CSMD3: variants seen among roughly 807,000 people sequenced by gnomAD.
The protein encoded by CSMD3 is CUB and sushi domain-containing protein 3.
A neutral mutation model predicts 435.2 loss-of-function variants in CSMD3; 177 were observed. That is an observed-to-expected ratio of 0.41 (90% CI 0.36 to 0.46). The LOEUF is 0.46. Ranked by LOEUF, CSMD3 falls within the 20% of genes least tolerant of loss-of-function variation. CSMD3 has a pLI of 0.34. For missense variants in CSMD3, 4,265 were observed against 4,504.6 expected, an observed-to-expected ratio of 0.95 and a Z score of 1.52; for synonymous variants, 1,656 against 1,520.5, an observed-to-expected ratio of 1.09 and a Z score of -2.07.
intron 28 of CSMD3, among the ~76,000 whole-genome samples, chr8:112,511,641 C>T (rs932594143): frequency 6.6e-6 from 1 of 151,930 alleles, no homozygotes; most frequent in Non-Finnish European, 1.5e-5. Context: ...CCGCTCGTCT[C>T]GGCCTCCCAA....
intron 3 of CSMD3, among the ~76,000 whole-genome samples, chr8:113,270,488 G>A (rs1205229225): frequency 6.6e-6 from 1 of 152,138 alleles, no homozygotes; most frequent in Non-Finnish European, 1.5e-5. Context: ...TATACCCAAA[G>A]GATTGTAAGT....
intron 4 of CSMD3, among the ~76,000 whole-genome samples, chr8:113,143,383 TG>T (rs1459529282): frequency 1.3e-5 from 2 of 151,054 alleles, no homozygotes; most frequent in African/African-American, 2.4e-5. Context: ...AAACAGAAAA[TG>T]GTACAGGCAC....
chr8:112,919,482 T>G (rs528857279), intron 10 of CSMD3, among the ~76,000 whole-genome samples: 1 of 152,012 alleles, frequency 6.6e-6, no homozygotes, highest in African/African-American at 2.4e-5. Flanking sequence ...TCAATCTTAC[T>G]TTATGTAGAT....
At chr8:112,257,005 C>T (rs1815871386) in intron 61 of CSMD3, among the ~76,000 whole-genome samples, 3 of 152,080 alleles carry the variant, frequency 2.0e-5, no homozygotes, top group Non-Finnish European at 4.4e-5. Context: ...GCCTTAATGT[C>T]CAAATAAAAC....
intron 52 of CSMD3, 128 bp downstream of exon 52, chr8:112,304,593 G>C: frequency 1.4e-6 from 1 of 726,832 alleles, no homozygotes. Context: ...AAAACGTAAC[G>C]AGAATAAATG....
At chr8:112,692,033 C>T (rs1306041811) in intron 13 of CSMD3, among the ~76,000 whole-genome samples, 1 of 152,012 alleles carries the variant, frequency 6.6e-6, no homozygotes, top group Non-Finnish European at 1.5e-5. Flanking sequence ...TAACTCCTGA[C>T]CTCAAATCAT....
intron 4 of CSMD3, among the ~76,000 whole-genome samples, chr8:113,166,829 A>G (rs796111110): frequency 2.6e-5 from 4 of 152,274 alleles, no homozygotes; most frequent in African/African-American, 9.6e-5. Flanking sequence ...TCAAAAATAT[A>G]ACTTTACAAA....
chr8:113,306,215 A>C (rs192408096), intron 2 of CSMD3, among the ~76,000 whole-genome samples: 2 of 152,150 alleles, frequency 1.3e-5, no homozygotes, highest in Admixed American at 1.3e-4. Flanking sequence ...ACACGCAATC[A>C]CTCTATGCCA....
chr8:113,410,797 A>G (rs1211242652), intron 1 of CSMD3, among the ~76,000 whole-genome samples: 8 of 150,484 alleles, frequency 5.3e-5, no homozygotes, highest in Non-Finnish European at 1.0e-4. Flanking sequence ...CTCAGCTACT[A>G]TGGGAGGCTT....
rs554476836 is a variant in CSMD3, at chr8:112,878,306, A to G, written c.1634-19040T>C. 2.6e-5 allele frequency among the ~76,000 whole-genome samples: 4 copies of G among 152,308 alleles called. No homozygotes were observed. The South Asian group carries it at 8.3e-4, about 32-fold the overall frequency. ...GAAGACATGTATGCAGCCAACAAAC[A>G]TATTGAAAAAAGCTCATCATCACTT... On this transcript the variant is annotated intron_variant, in intron 10 of 70. Coordinates refer to ENST00000297405, the MANE Select transcript of CSMD3 (RefSeq NM_198123.2).
In CSMD3 at chr8:113,030,518, T is replaced by C. The variant is rs148804788; in HGVS notation, c.918-11339A>G. On this transcript the variant is annotated intron_variant, in intron 5 of 70. Coordinates refer to ENST00000297405, the MANE Select transcript of CSMD3 (RefSeq NM_198123.2). ...CCCAAATCCTTATAGCTAACTGATA[T>C]TTGAAAGCTCAAAATTGATCATGGA... Among the ~76,000 whole-genome samples, 1,008 of 149,984 alleles carry C rather than the reference T, an allele frequency of 6.7e-3. 19 individuals are homozygous for C. Among genetic ancestry groups the C allele is most frequent in the African/African-American group, 0.023 (967 of 41,180 alleles).
intron 5 of CSMD3, among the ~76,000 whole-genome samples, chr8:113,058,720 T>A (rs2088463653): frequency 6.6e-6 from 1 of 152,042 alleles, no homozygotes; most frequent in African/African-American, 2.4e-5. Context: ...ATTTCATAAA[T>A]CTAAAGAAGA....
At chr8:113,091,651 C>G (rs542410209) in intron 5 of CSMD3, among the ~76,000 whole-genome samples, 49 of 151,730 alleles carry the variant, frequency 3.2e-4, no homozygotes, top group African/African-American at 1.2e-3. Context: ...TTATGTGTAT[C>G]TGCTCTCCAT....
At chr8:112,990,051 T>C (rs1265855927) in intron 6 of CSMD3, among the ~76,000 whole-genome samples, 1 of 151,956 alleles carries the variant, frequency 6.6e-6, no homozygotes, top group Non-Finnish European at 1.5e-5. Flanking sequence ...GTGACTTTGT[T>C]CCTCATTCAC....
intron 3 of CSMD3, among the ~76,000 whole-genome samples, chr8:113,180,885 A>C (rs1180290335): frequency 6.6e-6 from 1 of 151,974 alleles, no homozygotes; most frequent in Non-Finnish European, 1.5e-5. Context: ...TCTAAGCTGG[A>C]GTCATGTCAC....
chr8:113,188,613 G>T (rs925022369), intron 3 of CSMD3, among the ~76,000 whole-genome samples: 1 of 151,868 alleles, frequency 6.6e-6, no homozygotes, highest in African/African-American at 2.4e-5. Flanking sequence ...CTCCCTACAG[G>T]GATAATTCTA....
chr8:113,114,582 T>C (rs1454483872), intron 4 of CSMD3, among the ~76,000 whole-genome samples: 1 of 152,162 alleles, frequency 6.6e-6, no homozygotes, highest in Non-Finnish European at 1.5e-5. Context: ...GTGTATAGAT[T>C]AGCTATTATG....
intron 24 of CSMD3, among the ~76,000 whole-genome samples, chr8:112,563,136 G>C (rs879932476): frequency 1.9e-4 from 28 of 151,342 alleles, no homozygotes; most frequent in Admixed American, 4.0e-4. Flanking sequence ...AATATAAAGG[G>C]AATAAAGAAA....
At chr8:113,306,543 A>G (rs2093822904) in intron 2 of CSMD3, among the ~76,000 whole-genome samples, 1 of 152,150 alleles carries the variant, frequency 6.6e-6, no homozygotes, top group Non-Finnish European at 1.5e-5. Flanking sequence ...CTACCTCAAC[A>G]TTATGCCTAC....
Sources: gnomAD v4.1 joint callset for allele counts (sites outside exome capture counted in the v4.1 genomes callset) on GRCh38, gnomAD v4.1.1 for gene constraint, MANE v1.5 for transcripts, NCBI Gene and HGNC (gene_info 2026-07-23, HGNC 2026-07-21) for gene names.